The following RUNX2 variants were observed in gnomAD, a reference collection of about 807,000 sequenced individuals.
The protein encoded by RUNX2 is runt-related transcription factor 2.
A neutral mutation model predicts 51.7 loss-of-function variants in RUNX2; 10 were observed. That is an observed-to-expected ratio of 0.19 (90% confidence interval 0.12 to 0.33). The LOEUF (loss-of-function observed/expected upper bound fraction) is 0.33, where lower values mean the gene tolerates loss of function less well. Ranked by LOEUF, RUNX2 falls within the 10% of genes least tolerant of loss-of-function variation. RUNX2 has a pLI of 1.00. For missense variants in RUNX2, 562 were observed against 691.3 expected (o/e 0.81, Z 2.10); for synonymous variants, 276 against 273.6 (o/e 1.01, Z -0.09).
At chr6:45,495,765 T>C (rs1800626203) in intron 6 of RUNX2, among the ~76,000 whole-genome samples, 1 of 152,190 alleles carries the variant, frequency 6.6e-6, no homozygotes, top group Admixed American at 6.5e-5. Context: ...TTAGCAATCA[T>C]AAATTGAGGA....
intron 5 of RUNX2, among the ~76,000 whole-genome samples, chr6:45,466,253 C>T (rs940191125): frequency 1.3e-5 from 2 of 151,584 alleles, no homozygotes; most frequent in African/African-American, 2.4e-5. Context: ...GCTGAGGTTG[C>T]AGTGAGCCGA....
chr6:45,485,453 C>T (rs1285849953), intron 5 of RUNX2, among the ~76,000 whole-genome samples: 1 of 151,590 alleles, frequency 6.6e-6, no homozygotes, highest in Admixed American at 6.6e-5. Flanking sequence ...CTGCTCGCCT[C>T]GGCCTCCCAA....
chr6:45,433,219 C>T (rs1487318299), intron 4 of RUNX2, among the ~76,000 whole-genome samples: 4 of 152,040 alleles, frequency 2.6e-5, no homozygotes, highest in Non-Finnish European at 2.9e-5. Context: ...TCACAGCCTC[C>T]GGTAGAATCA....
chr6:45,335,018 GA>G (rs1262919930), intron 2 of RUNX2, among the ~76,000 whole-genome samples: 1 of 151,250 alleles, frequency 6.6e-6, no homozygotes, highest in Non-Finnish European at 1.5e-5. Flanking sequence ...GGGCAAATAT[GA>G]ATGGAATTAA....
At chr6:45,460,771 T>TAA (rs35405209) in intron 5 of RUNX2, among the ~76,000 whole-genome samples, 9 of 149,550 alleles carry the variant, frequency 6.0e-5, no homozygotes, top group South Asian at 2.1e-4. Context: ...CCCCAACTCT[T>TAA]AAAAAAAAAA....
At chr6:45,365,257 A>G in intron 2 of RUNX2, 1 of 1,612,598 alleles carries the variant, frequency 6.2e-7, no homozygotes, top group Non-Finnish European at 8.5e-7. Context: ...TCCTTCCACT[A>G]CTTGAAGTTG....
intron 5 of RUNX2, among the ~76,000 whole-genome samples, chr6:45,467,391 C>T (rs2150390823): frequency 6.6e-6 from 1 of 152,272 alleles, no homozygotes; most frequent in South Asian, 2.1e-4. Flanking sequence ...AAGCGATTCA[C>T]CTACCTCAGC....
intron 5 of RUNX2, among the ~76,000 whole-genome samples, chr6:45,448,477 C>T (rs1442283729): frequency 6.6e-6 from 1 of 152,032 alleles, no homozygotes; most frequent in African/African-American, 2.4e-5. Flanking sequence ...ACTAGAGGAA[C>T]ATGGTTTAAA....
intron 3 of RUNX2, among the ~76,000 whole-genome samples, chr6:45,431,190 T>C (rs1358116911): frequency 2.0e-5 from 3 of 152,170 alleles, no homozygotes; most frequent in African/African-American, 7.2e-5. Flanking sequence ...GAACTGAGGC[T>C]AAGGGTATAT....
chr6:45,443,919 A>G lies in RUNX2; in HGVS notation c.685+5868A>G, dbSNP rs546747709. 3.3e-5 allele frequency among the ~76,000 whole-genome samples: 5 copies of G among 152,158 alleles called. No homozygotes were observed. In the South Asian group the frequency reaches 1.0e-3, roughly 32 times the overall value. ...AGATGGAGTGGCATGATCTTGATCT[A>G]GGCTCACTGCAACCTCCATCTTCCA... On this transcript the variant is annotated intron_variant, in intron 5 of 8. Coordinates refer to ENST00000647337, the MANE Select transcript of RUNX2 (RefSeq NM_001024630.4).
At chr6:45,482,111 A>C (rs1438543762) in intron 5 of RUNX2, among the ~76,000 whole-genome samples, 1 of 152,228 alleles carries the variant, frequency 6.6e-6, no homozygotes, top group African/African-American at 2.4e-5. Flanking sequence ...AGTTAGCCGG[A>C]TTCCCGGTTA....
intron 2 of RUNX2, among the ~76,000 whole-genome samples, chr6:45,420,359 G>A (rs975221009): frequency 6.6e-6 from 1 of 152,208 alleles, no homozygotes; most frequent in African/African-American, 2.4e-5. Context: ...TGGGCTCAGC[G>A]AGTGGGAGCA....
At chr6:45,388,653 C>T (rs1392961060) in intron 2 of RUNX2, among the ~76,000 whole-genome samples, 1 of 152,142 alleles carries the variant, frequency 6.6e-6, no homozygotes, top group Non-Finnish European at 1.5e-5. Flanking sequence ...GTTACTCAAC[C>T]ACATTCTAGT....
intron 5 of RUNX2, among the ~76,000 whole-genome samples, chr6:45,489,990 G>A (rs190803532): frequency 4.1e-4 from 63 of 152,294 alleles, no homozygotes; most frequent in African/African-American, 1.4e-3. Context: ...ATAGCAGCTG[G>A]AAGAGGAAGG....
At chr6:45,533,888 CTTTTTTTTT>C (rs553154980) in intron 7 of RUNX2, among the ~76,000 whole-genome samples, 1 of 108,108 alleles carries the variant, frequency 9.3e-6, no homozygotes, top group African/African-American at 3.7e-5. Flanking sequence ...CCTGTTGAGA[CTTTTTTTTT>C]TTTTTTTTTT....
intron 7 of RUNX2, among the ~76,000 whole-genome samples, chr6:45,531,997 C>T (rs1271243642): frequency 6.6e-6 from 1 of 152,006 alleles, no homozygotes; most frequent in African/African-American, 2.4e-5. Flanking sequence ...TAGTTTTAAC[C>T]TCCTTTACTG....
chr6:45,459,649 A>G (rs1310406666), intron 5 of RUNX2, among the ~76,000 whole-genome samples: 1 of 152,272 alleles, frequency 6.6e-6, no homozygotes, highest in Non-Finnish European at 1.5e-5. Context: ...CTTTAACAAA[A>G]TGTACAAAAT....
intron 7 of RUNX2, among the ~76,000 whole-genome samples, chr6:45,530,659 A>G (rs936969854): frequency 7.2e-5 from 11 of 152,094 alleles, no homozygotes; most frequent in African/African-American, 2.2e-4. Flanking sequence ...CAAACTGAGG[A>G]CTCCCCCAGG....
intron 2 of RUNX2, among the ~76,000 whole-genome samples, chr6:45,404,903 T>A (rs893108693): frequency 6.6e-6 from 1 of 152,268 alleles, no homozygotes; most frequent in Non-Finnish European, 1.5e-5. Flanking sequence ...TATTTCAAAA[T>A]GTCATCTGAT....
Sources: gnomAD v4.1 joint callset for allele counts (sites outside exome capture counted in the v4.1 genomes callset) on GRCh38, gnomAD v4.1.1 for gene constraint, MANE v1.5 for transcripts, NCBI Gene and HGNC (gene_info 2026-07-23, HGNC 2026-07-21) for gene names.